Variants in CCDC178 observed in about 807,000 individuals in gnomAD.
CCDC178 encodes coiled-coil domain containing 178.
CCDC178 carries 126 observed loss-of-function variants against 117.4 expected under a neutral mutation model. That is an observed-to-expected ratio of 1.07 (90% CI 0.93 to 1.24). The LOEUF is 1.24. CCDC178 is among the 50% of genes most tolerant of loss of function. The pLI is 0.00. For missense variants in CCDC178, 1,030 were observed against 986.9 expected, an observed-to-expected ratio of 1.04 and a Z score of -0.59; for synonymous variants, 283 against 313.4, an observed-to-expected ratio of 0.90 and a Z score of 1.02.
intron 11 of CCDC178, among the ~76,000 whole-genome samples, chr18:33,297,995 T>C (rs559741534): frequency 1.7e-4 from 26 of 151,380 alleles, no homozygotes; most frequent in Non-Finnish European, 2.6e-4. Context: ...TGAGCCGAGA[T>C]TGCACACTGC....
At chr18:33,053,841 C>A (rs1246907966) in intron 21 of CCDC178, among the ~76,000 whole-genome samples, 1 of 152,056 alleles carries the variant, frequency 6.6e-6, no homozygotes, top group Non-Finnish European at 1.5e-5. Context: ...CACTTTATGA[C>A]AACTTTTTGT....
At chr18:33,341,459 G>A (rs1030925814) in intron 9 of CCDC178, among the ~76,000 whole-genome samples, 1 of 152,080 alleles carries the variant, frequency 6.6e-6, no homozygotes, top group Admixed American at 6.6e-5. Flanking sequence ...AAATATGAGG[G>A]CATGAAATTT....
In CCDC178 at chr18:33,328,082, G is replaced by GTTTTTTT. The variant is rs2062609334; in HGVS notation, c.880-4450_880-4449insAAAAAAA. On this transcript the variant is annotated intron_variant, in intron 10 of 22. Coordinates refer to ENST00000383096, the MANE Select transcript of CCDC178 (RefSeq NM_001105528.4). Reference sequence around the variant, plus strand: ...CCAAGGTCATAAAGATTTATCCCTAGATTTTTTTTTTTTTTTTTTTTTTTT... The same window carrying GTTTTTTT: ...CCAAGGTCATAAAGATTTATCCCTAGTTTTTTTATTTTTTTTTTTTTTTTTTTTTTTT... 57 of 249,130 alleles carry GTTTTTTT rather than the reference G, an allele frequency of 2.3e-4. 13 individuals are homozygous for GTTTTTTT. The highest frequency in any genetic ancestry group is 1.8e-3 in the African/African-American group (54 of 30,468). The allele number at this position is 249,130 out of a possible 1,614,324, so 15.4% of individuals were successfully genotyped here.
intron 9 of CCDC178, among the ~76,000 whole-genome samples, chr18:33,341,823 C>A (rs1288550045): frequency 1.3e-5 from 2 of 151,964 alleles, no homozygotes; most frequent in Admixed American, 1.3e-4. Context: ...TCTTTATCAG[C>A]AGTATGAAAA....
intron 15 of CCDC178, among the ~76,000 whole-genome samples, chr18:33,235,246 A>G (rs2059414056): frequency 6.6e-6 from 1 of 152,120 alleles, no homozygotes; most frequent in Admixed American, 6.6e-5. Flanking sequence ...GAACTTTCTA[A>G]GGACTTGACA....
chr18:32,945,924 T>C (rs564647983), intron 22 of CCDC178, among the ~76,000 whole-genome samples: 2 of 152,216 alleles, frequency 1.3e-5, no homozygotes, highest in Non-Finnish European at 2.9e-5. Context: ...TGCTTTAATT[T>C]TTTTTTAACT....
intron 20 of CCDC178, among the ~76,000 whole-genome samples, chr18:33,142,287 C>T (rs982283237): frequency 1.3e-5 from 2 of 152,118 alleles, no homozygotes; most frequent in Non-Finnish European, 2.9e-5. Flanking sequence ...TTATCCAGCC[C>T]GAGATGTCAG....
At chr18:33,028,870 C>A (rs2056279724) in intron 21 of CCDC178, among the ~76,000 whole-genome samples, 1 of 151,840 alleles carries the variant, frequency 6.6e-6, no homozygotes, top group Admixed American at 6.6e-5. Flanking sequence ...TAGGAAAAAT[C>A]TCACCTGATT....
At chr18:33,148,664 A>C (rs1373122530) in intron 20 of CCDC178, among the ~76,000 whole-genome samples, 1 of 152,148 alleles carries the variant, frequency 6.6e-6, no homozygotes, top group Non-Finnish European at 1.5e-5. Flanking sequence ...TTCCACAATG[A>C]AACACTAGGT....
In CCDC178 at chr18:33,346,310, C is replaced by G. The variant is rs142745625; in HGVS notation, c.559G>C (p.Ala187Pro). Reference sequence around the variant, plus strand: ...TTTCTTGATCTCTGTTGTTTTAAAGCTTCTTCAGCGTCTGCCCGGTCAGTT... The same window carrying G: ...TTTCTTGATCTCTGTTGTTTTAAAGGTTCTTCAGCGTCTGCCCGGTCAGTT... ...LETDRADAEE[A>P]LKQQRSRKNM... is the part of the protein sequence containing the mutation. The change falls in exon 9 of 23, where the codon GCT becomes CCT. Residue 187 changes from alanine (A) to proline (P), a missense_variant. Transcript: ENST00000383096. The G allele has an allele frequency of 5.1e-5, 82 of 1,613,644 alleles. No homozygotes were observed. Among genetic ancestry groups the G allele is most frequent in the Admixed American group, 1.5e-4 (9 of 59,984 alleles).
intron 5 of CCDC178, among the ~76,000 whole-genome samples, chr18:33,381,836 T>C (rs981154360): frequency 6.6e-6 from 1 of 152,170 alleles, no homozygotes; most frequent in African/African-American, 2.4e-5. Flanking sequence ...GTTGTATACA[T>C]TTATATTCTA....
intron 16 of CCDC178, 107 bp downstream of exon 16, chr18:33,226,686 C>A: frequency 1.5e-6 from 1 of 665,412 alleles, no homozygotes; most frequent in Non-Finnish European, 2.5e-6. Context: ...AAACTGCTGG[C>A]TTGCAAACCA....
chr18:33,069,331 C>T (rs1233591165), intron 21 of CCDC178, among the ~76,000 whole-genome samples: 3 of 152,122 alleles, frequency 2.0e-5, no homozygotes, highest in African/African-American at 7.2e-5. Flanking sequence ...TAAAAACAGG[C>T]ATATACACAA....
At chr18:32,954,257 T>C (rs1045706046) in intron 22 of CCDC178, among the ~76,000 whole-genome samples, 5 of 152,296 alleles carry the variant, frequency 3.3e-5, no homozygotes, top group Admixed American at 2.0e-4. Context: ...CAAATATTTA[T>C]AGCAAACCTA....
In CCDC178 at chr18:33,093,357, G is replaced by C. The variant is rs527414192; in HGVS notation, c.2239-447C>G. Among the ~76,000 whole-genome samples, 38 of 152,104 alleles carry C rather than the reference G, an allele frequency of 2.5e-4. 1 individual carries two copies. In the South Asian group the frequency reaches 7.7e-3, roughly 31 times the overall value. On this transcript the variant is annotated intron_variant, in intron 20 of 22. Transcript: ENST00000383096. ...TAGCTTAGAATTTCATCTCCATGAA[G>C]TTCAGAATGTTGGTACCCACAGAAA...
chr18:33,109,549 T>A (rs565443112), intron 20 of CCDC178, among the ~76,000 whole-genome samples: 1 of 151,696 alleles, frequency 6.6e-6, no homozygotes, highest in South Asian at 2.1e-4. Flanking sequence ...GATTAATACA[T>A]TTTTTATAAA....
chr18:32,968,932 T>A (rs542825632), intron 22 of CCDC178, among the ~76,000 whole-genome samples: 1 of 152,152 alleles, frequency 6.6e-6, no homozygotes, highest in Admixed American at 6.6e-5. Context: ...TAGGAAACTA[T>A]CCCTATATCT....
Position 33,209,255 on chromosome 18 carries a change from C to A in CCDC178, c.2238+2641G>T, listed in dbSNP as rs548776837. Among the ~76,000 whole-genome samples the A allele has an allele frequency of 2.6e-5, 4 of 152,070 alleles. No individual in the cohort carries two copies. The South Asian group carries it at 8.3e-4, about 32-fold the overall frequency. ...TGGATATATGATATGGAATTGCCTA[C>A]TGAAGAGAGATCAAATTTAACTCCA... On this transcript the variant is annotated intron_variant, in intron 20 of 22. Transcript: ENST00000383096.
intron 20 of CCDC178, among the ~76,000 whole-genome samples, chr18:33,113,015 G>T (rs1214629899): frequency 6.6e-6 from 1 of 151,882 alleles, no homozygotes; most frequent in Non-Finnish European, 1.5e-5. Flanking sequence ...ACATAAATAA[G>T]GTCATGGTCT....
Sources: gnomAD v4.1 joint callset for allele counts (sites outside exome capture counted in the v4.1 genomes callset) on GRCh38, gnomAD v4.1.1 for gene constraint, MANE v1.5 for transcripts, NCBI Gene and HGNC (gene_info 2026-07-23, HGNC 2026-07-21) for gene names.